Variants in IL31RA observed in about 807,000 individuals in gnomAD.
IL31RA encodes the protein interleukin-31 receptor subunit alpha.
Under a neutral mutation model 83.7 loss-of-function variants are expected in IL31RA, and 66 were observed. That is an observed-to-expected ratio of 0.79 (90% CI 0.65 to 0.97). IL31RA has a LOEUF of 0.97. Among genes scored for constraint, IL31RA ranks in the 50% least tolerant of loss-of-function variants. The pLI is 0.00. For synonymous variants in IL31RA, 325 were observed against 329.0 expected, an observed-to-expected ratio of 0.99 and a Z score of 0.13; for missense variants, 798 against 919.4, an observed-to-expected ratio of 0.87 and a Z score of 1.71.
intron 6 of IL31RA, among the ~76,000 whole-genome samples, chr5:55,891,897 T>C (rs1748030390): frequency 6.8e-6 from 1 of 147,118 alleles, no homozygotes; most frequent in East Asian, 2.1e-4. Context: ...TGCCTCAGCC[T>C]CCCGAGTTGC....
chr5:55,872,896 T>C (rs1049584347), intron 4 of IL31RA, among the ~76,000 whole-genome samples: 1 of 152,180 alleles, frequency 6.6e-6, no homozygotes, highest in Non-Finnish European at 1.5e-5. Context: ...CTTTTAAAAT[T>C]ATAACTGTAT....
At chr5:55,882,999 C>A in intron 4 of IL31RA, 45 bp from the exon 5 acceptor site, 1 of 1,597,112 alleles carries the variant, frequency 6.3e-7, no homozygotes, top group Non-Finnish European at 8.6e-7. Context: ...TTAGCAAATT[C>A]TTATCTTTTT....
chr5:55,910,757 G>A lies in IL31RA; in HGVS notation c.1642+85G>A, dbSNP rs16884639. 4.4e-3 allele frequency: 6,513 copies of A among 1,490,686 alleles called. 345 individuals carry two copies. The Admixed American group carries it at 0.093, about 21-fold the overall frequency. 92.3% of individuals were successfully genotyped at this position (1,490,686 alleles called of 1,614,324 possible). ...AAATGACATCTGCCAAAAGCTGGAG[G>A]AAGCCAAATGAAAGGGCAGTGCCTA... On this transcript the variant is annotated intron_variant, in intron 12 of 14. Coordinates refer to ENST00000652347, the MANE Select transcript of IL31RA (RefSeq NM_139017.7).
intron 4 of IL31RA, among the ~76,000 whole-genome samples, chr5:55,873,257 A>G (rs1306875807): frequency 6.6e-6 from 1 of 152,182 alleles, no homozygotes; most frequent in Non-Finnish European, 1.5e-5. Context: ...TTTTATAGCT[A>G]AATAATATTC....
At chr5:55,850,776 T>G (rs1259156562), upstream of IL31RA, among the ~76,000 whole-genome samples, 1 of 152,198 alleles carries the variant, frequency 6.6e-6, no homozygotes, top group Non-Finnish European at 1.5e-5. Context: ...TTATGTTCAA[T>G]AAAATCGCCA....
chr5:55,908,657 T>C (rs1749313743), intron 11 of IL31RA: 4 of 1,530,154 alleles, frequency 2.6e-6, no homozygotes, highest in Admixed American at 2.0e-5. Context: ...GGAGTTGTTA[T>C]AATTTGTCCT....
chr5:55,899,475 A>C (rs903410440), intron 7 of IL31RA, among the ~76,000 whole-genome samples: 2 of 152,196 alleles, frequency 1.3e-5, no homozygotes, highest in African/African-American at 4.8e-5. Context: ...AGGGAGAGGC[A>C]TGGAAATAAA....
upstream of IL31RA, among the ~76,000 whole-genome samples, chr5:55,847,241 ATAAAAAT>A (rs1481127095): frequency 6.6e-5 from 1 of 15,076 alleles, no homozygotes; most frequent in African/African-American, 2.3e-4. Flanking sequence ...AAAAAAAAAA[ATAAAAAT>A]AAATAAATAA....
the IL31RA span, among the ~76,000 whole-genome samples, chr5:55,840,431 G>A: frequency 1.3e-5 from 2 of 152,186 alleles, no homozygotes; most frequent in Admixed American, 6.5e-5. Context: ...GGTTAGTAAC[G>A]TAAGGTTTGG....
At chr5:55,885,114 G>T (rs571060176) in intron 5 of IL31RA, among the ~76,000 whole-genome samples, 1 of 152,136 alleles carries the variant, frequency 6.6e-6, no homozygotes, top group Non-Finnish European at 1.5e-5. Flanking sequence ...AGGTTTCTAT[G>T]AATATACCTA....
At chr5:55,874,219 A>C (rs1015147735) in intron 4 of IL31RA, among the ~76,000 whole-genome samples, 1 of 152,092 alleles carries the variant, frequency 6.6e-6, no homozygotes, top group Admixed American at 6.5e-5. Context: ...ATTTCACCAT[A>C]AATGTAAGGT....
At position 55,916,935 on chromosome 5, in the gene IL31RA, C is replaced by T. The variant is rs1032889596; in HGVS notation, c.2110C>T (p.Arg704Cys). The T allele has an allele frequency of 5.6e-6, 9 of 1,613,786 alleles. No individual in the cohort carries two copies. The highest frequency in any genetic ancestry group is 5.5e-5 in the South Asian group (5 of 91,084). Residue 704 changes from arginine to cysteine, a missense_variant, in exon 15 of 15, where the codon CGT (arginine) becomes TGT (cysteine). Arg to Cys is a radical substitution (Grantham distance 180). Transcript: ENST00000652347. ...EIPPRKSQYL[R>C]SRMPEGTRPE... is the part of the protein sequence containing the mutation. ...TCCGCCCAGAAAATCCCAATACCTA[C>T]GTTCGAGGATGCCAGAGGGGACCCG...
chr5:55,899,466 G>A (rs757339446), intron 7 of IL31RA, among the ~76,000 whole-genome samples: 2 of 152,206 alleles, frequency 1.3e-5, no homozygotes, highest in Non-Finnish European at 2.9e-5. Flanking sequence ...CCTTCTCAGA[G>A]GGAGAGGCAT....
At position 55,920,379 on chromosome 5, in the gene IL31RA, G is replaced by A. The variant is rs547516849; in HGVS notation, c.*3259G>A. ...GCCAAATCCAGGCCCTGTTTTTGTA[G>A]GTTCATGAACTAAAAGCTATAATGA... is the stretch of plus-strand genomic sequence containing the variant. On this transcript the variant is annotated 3_prime_UTR_variant, in exon 15 of 15. Transcript: ENST00000652347. Among the ~76,000 whole-genome samples, 120 of 152,198 alleles carry A rather than the reference G, an allele frequency of 7.9e-4. No individual in the cohort carries two copies. The highest frequency in any genetic ancestry group is 1.5e-3 in the Non-Finnish European group (100 of 68,024).
intron 1 of IL31RA, chr5:55,853,453 T>C (rs530620081): frequency 1.9e-6 from 3 of 1,541,220 alleles, no homozygotes; most frequent in African/African-American, 1.4e-5. Flanking sequence ...TGTGGATAAA[T>C]TAAAGTCCAG....
intron 14 of IL31RA, among the ~76,000 whole-genome samples, chr5:55,916,043 T>G (rs1199691813): frequency 2.0e-5 from 3 of 152,188 alleles, no homozygotes; most frequent in African/African-American, 7.2e-5. Context: ...TTTGTGAACA[T>G]GGGATTGTGT....
chr5:55,905,975 C>T (rs569911112), intron 8 of IL31RA, 131 bp from the exon 9 acceptor site: 41 of 874,678 alleles, frequency 4.7e-5, no homozygotes, highest in Admixed American at 7.1e-5. Context: ...GAGCCCCATC[C>T]GGGGAGGCTG....
intron 4 of IL31RA, among the ~76,000 whole-genome samples, chr5:55,880,078 T>C (rs748241383): frequency 2.6e-5 from 4 of 152,194 alleles, no homozygotes; most frequent in Non-Finnish European, 4.4e-5. Context: ...AGAATGGATA[T>C]AATAAATGTT....
Position 55,922,295 on chromosome 5 carries a change from G to A in IL31RA, c.*5175G>A. 2 of 922,428 alleles carry A rather than the reference G, an allele frequency of 2.2e-6. No individual in the cohort carries two copies. The highest frequency in any genetic ancestry group is 3.5e-6 in the Non-Finnish European group (2 of 573,382). The allele number at this position is 922,428 out of a possible 1,614,324, so 57.1% of individuals were successfully genotyped here. ...GGGCTGGGGAGAAGCAAGGGGCAGG[G>A]GAGGGGCAGAACTCCACAAGAGGGC... On this transcript the variant is annotated 3_prime_UTR_variant, in exon 15 of 15. Coordinates refer to ENST00000652347, the MANE Select transcript of IL31RA (RefSeq NM_139017.7).
Sources: gnomAD v4.1 joint callset for allele counts (sites outside exome capture counted in the v4.1 genomes callset) on GRCh38, gnomAD v4.1.1 for gene constraint, MANE v1.5 for transcripts, NCBI Gene and HGNC (gene_info 2026-07-23, HGNC 2026-07-21) for gene names.